HDGFL3: variants seen among roughly 807,000 people sequenced by gnomAD.
The protein encoded by HDGFL3 is HDGF like 3, also known as hepatoma-derived growth factor-related protein 3.
In HDGFL3, 6 loss-of-function variants were observed where a neutral mutation model predicts 27.6. The ratio of observed to expected loss-of-function variants is 0.22; its 90% CI spans 0.12 to 0.43. The LOEUF (loss-of-function observed/expected upper bound fraction) is 0.43, where lower values mean the gene tolerates loss of function less well. Ranked by LOEUF, HDGFL3 falls within the 20% of genes least tolerant of loss-of-function variation. The pLI, the probability that HDGFL3 is intolerant of heterozygous loss-of-function variation, is 1.00. For synonymous variants in HDGFL3, 88 were observed against 88.9 expected, an observed-to-expected ratio of 0.99 and a Z score of 0.05; for missense variants, 207 against 250.1, an observed-to-expected ratio of 0.83 and a Z score of 1.16.
intron 1 of HDGFL3, among the ~76,000 whole-genome samples, chr15:83,203,356 A>G (rs1241751739): frequency 6.6e-6 from 1 of 152,054 alleles, no homozygotes; most frequent in Non-Finnish European, 1.5e-5. Context: ...TGACACTATT[A>G]ATAGTATTCT....
chr15:83,165,868 C>A (rs139741175), intron 1 of HDGFL3, among the ~76,000 whole-genome samples: 180 of 150,120 alleles, frequency 1.2e-3, no homozygotes, highest in Non-Finnish European at 2.3e-3. Context: ...GCTTGAAGAC[C>A]GGTCTTTTGA....
At position 83,145,870 on chromosome 15, in the gene HDGFL3, T is replaced by C. The variant is rs114060958; in HGVS notation, c.606+5345A>G. On this transcript the variant is annotated intron_variant, in intron 5 of 5. Transcript: ENST00000299633. ...CCATGGTTTGTTCTTTCTTTTTTTT[T>C]TTTCTCTCTCTCTCCCTTTCTTCTT... Among the ~76,000 whole-genome samples, 1,263 of 150,682 alleles carry C rather than the reference T, an allele frequency of 8.4e-3. 16 individuals carry two copies. The highest frequency in any genetic ancestry group is 0.029 in the African/African-American group (1,195 of 40,900).
chr15:83,150,776 A>C (rs2040206155), intron 5 of HDGFL3, among the ~76,000 whole-genome samples: 1 of 152,142 alleles, frequency 6.6e-6, no homozygotes, highest in South Asian at 2.1e-4. Flanking sequence ...ATATTCAAAC[A>C]TTGCTTGCAT....
At chr15:83,140,831 A>G (rs1282983247) in intron 5 of HDGFL3, among the ~76,000 whole-genome samples, 1 of 152,200 alleles carries the variant, frequency 6.6e-6, no homozygotes, top group African/African-American at 2.4e-5. Flanking sequence ...AAAGGCAATA[A>G]ATTCTATGTT....
intron 3 of HDGFL3, chr15:83,119,481 G>A (rs1036845399): frequency 4.9e-6 from 6 of 1,219,192 alleles, no homozygotes; most frequent in African/African-American, 1.5e-5. Flanking sequence ...ATGAACACAA[G>A]TTAGTTCTGC....
At chr15:83,171,539 C>A (rs930277629) in intron 1 of HDGFL3, among the ~76,000 whole-genome samples, 1 of 152,158 alleles carries the variant, frequency 6.6e-6, no homozygotes, top group South Asian at 2.1e-4. Flanking sequence ...TACATATACA[C>A]CAAGGAATAC....
At chr15:83,151,428 C>T in intron 4 of HDGFL3, 67 bp from the exon 5 acceptor site, 1 of 1,348,798 alleles carries the variant, frequency 7.4e-7, no homozygotes, top group South Asian at 1.4e-5. Context: ...GTAAGAGATG[C>T]AGAAATAGCT....
intron 1 of HDGFL3, among the ~76,000 whole-genome samples, chr15:83,203,917 C>T (rs28360733): frequency 0.069 from 10,303 of 149,510 alleles, 456 homozygotes; most frequent in African/African-American, 0.12. Context: ...CAAACAAAAG[C>T]GATCAGAGAC....
In HDGFL3 at chr15:83,196,221, TATTTATTAAGTCAATATACTTATTGACTC is replaced by T. The variant is rs1317282364; in HGVS notation, c.84+11081_84+11109del. Among the ~76,000 whole-genome samples, 8 of 151,814 alleles carry T rather than the reference TATTTATTAAGTCAATATACTTATTGACTC, an allele frequency of 5.3e-5. No homozygotes were observed. In the East Asian group the frequency reaches 5.8e-4, roughly 11 times the overall value. ...TATTTGTCCATTATATTTATTGACT[TATTTATTAAGTCAATATACTTATTGACTC>T]ATTTATTAAGTCAATATACTTATTG... On this transcript the variant is annotated intron_variant, in intron 1 of 5. Coordinates refer to ENST00000299633, the MANE Select transcript of HDGFL3 (RefSeq NM_016073.4).
intron 4 of HDGFL3, among the ~76,000 whole-genome samples, chr15:83,155,008 C>T (rs907742739): frequency 6.6e-6 from 1 of 152,034 alleles, no homozygotes; most frequent in Non-Finnish European, 1.5e-5. Flanking sequence ...AGCTGGACTA[C>T]AGGTGTGAGC....
Position 83,136,614 on chromosome 15 carries a change from G to A in HDGFL3, c.*2656C>T, listed in dbSNP as rs570839027. 5.6e-6 allele frequency: 9 copies of A among 1,612,064 alleles called. No homozygotes were observed. Among genetic ancestry groups the A allele is most frequent in the Admixed American group, 1.7e-5 (1 of 59,558 alleles). On this transcript the variant is annotated 3_prime_UTR_variant, in exon 6 of 6. Transcript: ENST00000299633. The stretch of plus-strand genomic sequence containing the variant: ...GTTCTTCCTCAGCTCTTGGCCTATC[G>A]TTGTATCTACAAACCAGAGTTCTTC...
Position 83,130,299 on chromosome 15 carries a change from G to T in HDGFL3, c.*8971C>A, listed in dbSNP as rs1032589559. 1 of 152,386 alleles carries T rather than the reference G, an allele frequency of 6.6e-6. No individual in the cohort carries two copies. The highest frequency in any genetic ancestry group is 1.5e-5 in the Non-Finnish European group (1 of 68,164). 9.4% of individuals were successfully genotyped at this position (152,386 alleles called of 1,614,324 possible). ...GTAGCAATAAGACAAACCCTAATCT[G>T]TTGGTGAAGCTAAGCTTGCAGGTGG... On this transcript the variant is annotated 3_prime_UTR_variant, in exon 6 of 6. Transcript: ENST00000299633.
chr15:83,171,548 A>G (rs2037246392), intron 1 of HDGFL3, among the ~76,000 whole-genome samples: 2 of 152,248 alleles, frequency 1.3e-5, no homozygotes, highest in East Asian at 1.9e-4. Flanking sequence ...ACCAAGGAAT[A>G]CTACATAGTC....
chr15:83,161,666 C>T (rs1207711737), intron 2 of HDGFL3, among the ~76,000 whole-genome samples: 2 of 152,114 alleles, frequency 1.3e-5, no homozygotes, highest in Non-Finnish European at 2.9e-5. Context: ...TAACTGACAA[C>T]TGGCCATGTT....
At position 83,128,307 on chromosome 15, in the gene HDGFL3, G is replaced by A. The variant is rs1487854909; in HGVS notation, c.*10963C>T. On this transcript the variant is annotated 3_prime_UTR_variant, in exon 6 of 6. Transcript: ENST00000299633. ...GGTTGAAAAATATAGTATTTAAGGG[G>A]TCAATGCATTAAATCCTTTCAGTTT... The A allele has an allele frequency of 6.6e-6, 1 of 152,120 alleles. No homozygotes were observed. Among genetic ancestry groups the A allele is most frequent in the Non-Finnish European group, 1.5e-5 (1 of 68,042 alleles). 9.4% of individuals were successfully genotyped at this position (152,120 alleles called of 1,614,324 possible).
At chr15:83,159,786 T>G (rs899650953) in intron 2 of HDGFL3, among the ~76,000 whole-genome samples, 2 of 151,954 alleles carry the variant, frequency 1.3e-5, no homozygotes, top group Non-Finnish European at 2.9e-5. Flanking sequence ...ACAGAAGAGG[T>G]CAGTGTGGCT....
At chr15:83,154,412 AATGAAGTT>A (rs1048739102) in intron 4 of HDGFL3, among the ~76,000 whole-genome samples, 5 of 152,046 alleles carry the variant, frequency 3.3e-5, no homozygotes, top group Admixed American at 6.6e-5. Flanking sequence ...AAAAGAGAAC[AATGAAGTT>A]ATGCTAGGCA....
At position 83,135,944 on chromosome 15, in the gene HDGFL3, T is replaced by C. The variant is rs1044241757; in HGVS notation, c.*3326A>G. 1.3e-5 allele frequency: 2 copies of C among 152,226 alleles called. No homozygotes were observed. The highest frequency in any genetic ancestry group is 4.8e-5 in the African/African-American group (2 of 41,442). The allele number at this position is 152,226 out of a possible 1,614,324, so 9.4% of individuals were successfully genotyped here. ...ACAAAAAACACATAGGGAAAGGGTA[T>C]GAGCTCTTGCTGCAAGGAGTAGATG... On this transcript the variant is annotated 3_prime_UTR_variant, in exon 6 of 6. Transcript: ENST00000299633.
intron 5 of HDGFL3, among the ~76,000 whole-genome samples, chr15:83,148,093 T>C (rs2036921440): frequency 6.6e-6 from 1 of 152,228 alleles, no homozygotes; most frequent in South Asian, 2.1e-4. Flanking sequence ...ACTCACTATA[T>C]TGGCAATAAT....
Sources: gnomAD v4.1 joint callset for allele counts (sites outside exome capture counted in the v4.1 genomes callset) on GRCh38, gnomAD v4.1.1 for gene constraint, MANE v1.5 for transcripts, NCBI Gene and HGNC (gene_info 2026-07-23, HGNC 2026-07-21) for gene names.